TENM2: variants seen among roughly 807,000 people sequenced by gnomAD.
The protein encoded by TENM2 is teneurin transmembrane protein 2.
A neutral mutation model predicts 245.2 loss-of-function variants in TENM2; 52 were observed. The ratio of observed to expected loss-of-function variants is 0.21; its 90% CI spans 0.17 to 0.27. The LOEUF is 0.27. Ranked by LOEUF, TENM2 falls within the 10% of genes least tolerant of loss-of-function variation. TENM2 has a pLI of 1.00. For missense variants in TENM2, 3,046 were observed against 3,666.8 expected (o/e 0.83, Z 4.37); for synonymous variants, 1,363 against 1,438.9 (o/e 0.95, Z 1.19).
intron 2 of TENM2, among the ~76,000 whole-genome samples, chr5:167,397,136 G>A (rs1358481769): frequency 6.6e-6 from 1 of 152,070 alleles, no homozygotes; most frequent in Admixed American, 6.6e-5. Flanking sequence ...CTTGAATATA[G>A]GGACAACATC....
chr5:167,794,146 G>A (rs188861030), intron 2 of TENM2, among the ~76,000 whole-genome samples: 2 of 151,676 alleles, frequency 1.3e-5, no homozygotes, highest in East Asian at 1.9e-4. Flanking sequence ...TAGCTATGTC[G>A]CCCACCAGTC....
At chr5:168,215,238 G>A in exon 21 of TENM2, 1 of 1,613,942 alleles carries the variant, frequency 6.2e-7, no homozygotes, top group South Asian at 1.1e-5. Context: ...GGGATGGAGG[G>A]AAGGCCATAG....
At chr5:166,999,604 G>A in the TENM2 span, among the ~76,000 whole-genome samples, 898 of 152,230 alleles carry the variant, frequency 5.9e-3, 8 homozygotes, top group African/African-American at 0.021. Context: ...TTAGGAAAAG[G>A]GGTCAGCGTG....
chr5:167,189,313 T>G, the TENM2 span, among the ~76,000 whole-genome samples: 1 of 152,200 alleles, frequency 6.6e-6, no homozygotes. Context: ...TCTACAGTTG[T>G]AATATTTGTT....
chr5:167,313,361 C>T (rs776769950), intron 1 of TENM2, among the ~76,000 whole-genome samples: 11 of 152,080 alleles, frequency 7.2e-5, no homozygotes, highest in Non-Finnish European at 1.3e-4. Context: ...CTAATATGGG[C>T]CAGGAGCGGT....
the TENM2 span, among the ~76,000 whole-genome samples, chr5:167,151,002 G>C: frequency 1.2e-4 from 19 of 152,172 alleles, no homozygotes; most frequent in Admixed American, 3.3e-4. Flanking sequence ...GGGTATGTCT[G>C]GTGGTTGAGT....
chr5:167,913,422 A>G (rs1776698059), intron 3 of TENM2, among the ~76,000 whole-genome samples: 1 of 152,248 alleles, frequency 6.6e-6, no homozygotes, highest in Non-Finnish European at 1.5e-5. Context: ...ATTTATGCAG[A>G]CGCTCTTTTT....
chr5:167,656,552 T>C (rs1754853933), intron 2 of TENM2, among the ~76,000 whole-genome samples: 2 of 152,118 alleles, frequency 1.3e-5, no homozygotes, highest in South Asian at 2.1e-4. Flanking sequence ...GTAAACATCA[T>C]GGGAAGATGA....
chr5:167,422,283 A>G (rs960263704), intron 2 of TENM2, among the ~76,000 whole-genome samples: 6 of 152,204 alleles, frequency 3.9e-5, no homozygotes, highest in Non-Finnish European at 7.3e-5. Flanking sequence ...CAATTTTACA[A>G]TGTTCAAAAT....
intron 5 of TENM2, among the ~76,000 whole-genome samples, chr5:168,011,105 A>T (rs943988328): frequency 6.6e-6 from 1 of 152,248 alleles, no homozygotes; most frequent in Non-Finnish European, 1.5e-5. Flanking sequence ...GTCCGGATAG[A>T]GTAATAACCA....
At chr5:166,994,577 T>G in the TENM2 span, among the ~76,000 whole-genome samples, 1 of 152,182 alleles carries the variant, frequency 6.6e-6, no homozygotes, top group South Asian at 2.1e-4. Flanking sequence ...GGAGTGTCCC[T>G]TTTTAGATAT....
chr5:167,938,740 C>G (rs933090999), intron 3 of TENM2: 2 of 152,092 alleles, frequency 1.3e-5, no homozygotes, highest in Admixed American at 1.3e-4. Context: ...GTCAGGAAAT[C>G]GAGACCATCT....
chr5:167,420,306 C>G (rs1274536210), intron 2 of TENM2, among the ~76,000 whole-genome samples: 3 of 152,176 alleles, frequency 2.0e-5, no homozygotes, highest in Non-Finnish European at 2.9e-5. Context: ...TCAAATTATT[C>G]AAGCTTTCTG....
intron 3 of TENM2, among the ~76,000 whole-genome samples, chr5:167,915,409 C>T (rs956040017): frequency 1.3e-5 from 2 of 152,082 alleles, no homozygotes; most frequent in African/African-American, 2.4e-5. Context: ...TGTCTGAATC[C>T]GTTCTTGGAA....
At chr5:167,077,937 G>A in the TENM2 span, among the ~76,000 whole-genome samples, 8 of 152,030 alleles carry the variant, frequency 5.3e-5, no homozygotes, top group Admixed American at 2.0e-4. Context: ...CAGGAGAAGC[G>A]AATAGAAAGG....
chr5:167,255,996 T>C, the TENM2 span, among the ~76,000 whole-genome samples: 5 of 152,106 alleles, frequency 3.3e-5, no homozygotes, highest in African/African-American at 9.7e-5. Flanking sequence ...GTTTGTAAAA[T>C]GTCTTGGGAA....
At chr5:168,238,370 G>T (rs1765802015) in intron 25 of TENM2, among the ~76,000 whole-genome samples, 1 of 152,116 alleles carries the variant, frequency 6.6e-6, no homozygotes, top group African/African-American at 2.4e-5. Flanking sequence ...CCTCTGGGTA[G>T]GTAAATAACT....
At chr5:168,230,583 T>G (rs1317736658) in intron 25 of TENM2, among the ~76,000 whole-genome samples, 1 of 152,128 alleles carries the variant, frequency 6.6e-6, no homozygotes, top group Admixed American at 6.5e-5. Flanking sequence ...ATTGGCCCCA[T>G]AAGGCTAGCA....
the TENM2 span, among the ~76,000 whole-genome samples, chr5:167,204,564 A>G: frequency 6.6e-6 from 1 of 152,220 alleles, no homozygotes; most frequent in African/African-American, 2.4e-5. Flanking sequence ...AATTAACTCT[A>G]GAATTCAGAG....
Sources: allele counts gnomAD v4.1 joint callset (sites outside exome capture counted in the v4.1 genomes callset), GRCh38; gene constraint gnomAD v4.1.1; transcripts MANE v1.5; gene names NCBI Gene and HGNC (gene_info 2026-07-23, HGNC 2026-07-21).